The following FN1 variants were observed in gnomAD, a reference collection of about 807,000 sequenced individuals.
FN1 encodes the protein fibronectin.
Under a neutral mutation model 297.3 loss-of-function variants are expected in FN1, and 106 were observed. The observed-to-expected ratio is 0.36, with a 90% CI of 0.30 to 0.42. FN1 has a LOEUF of 0.42. FN1 is among the 10% of genes least tolerant of loss of function. The pLI, the probability that FN1 is intolerant of heterozygous loss-of-function variation, is 1.00. For missense variants in FN1, 2,690 were observed against 3,124.9 expected (o/e 0.86, Z 3.32); for synonymous variants, 1,149 against 1,152.6 (o/e 1.00, Z 0.06).
chr2:215,403,598 T>C (rs2061406701), intron 20 of FN1, among the ~76,000 whole-genome samples: 1 of 152,200 alleles, frequency 6.6e-6, no homozygotes, highest in Non-Finnish European at 1.5e-5. Context: ...CATAATTCTC[T>C]GTAATGTAAA....
Position 215,433,387 on chromosome 2 carries a change from A to T in FN1, c.352T>A (p.Ser118Thr), listed in dbSNP as rs757231578. Residue 118 changes from serine (S) to threonine (T), a missense_variant, in exon 3 of 46, where the codon TCC becomes ACC. Transcript: ENST00000354785. ...VGDTYERPKD[S>T]MIWDCTCIGA... Reference sequence around the variant, plus strand: ...ATGCAGGTACAGTCCCAGATCATGGAGTCTTTAGGACGCTCATAAGTGTCA... The same window carrying T: ...ATGCAGGTACAGTCCCAGATCATGGTGTCTTTAGGACGCTCATAAGTGTCA... The T allele has an allele frequency of 1.9e-6, 3 of 1,614,042 alleles. No individual in the cohort carries two copies. Among genetic ancestry groups the T allele is most frequent in the African/African-American group, 1.3e-5 (1 of 74,922 alleles).
chr2:215,382,108 G>T, intron 32 of FN1, 104 bp downstream of exon 32: 1 of 743,122 alleles, frequency 1.3e-6, no homozygotes, highest in East Asian at 2.6e-5. Context: ...TAACCAACAA[G>T]TTCACTTTCC....
chr2:215,389,103 T>C (rs1006863783), intron 26 of FN1, among the ~76,000 whole-genome samples: 3 of 152,026 alleles, frequency 2.0e-5, no homozygotes, highest in Non-Finnish European at 4.4e-5. Flanking sequence ...TTTTTTTTTA[T>C]TTTTATTATT....
Position 215,361,625 on chromosome 2 carries a change from TTC to T in FN1, c.7363-1_7363del. 1.2e-6 allele frequency: 2 copies of T among 1,608,390 alleles called. No homozygotes were observed. The highest frequency in any genetic ancestry group is 1.7e-6 in the Non-Finnish European group (2 of 1,174,932). ...GAAGCACTCAATTGGGCAATTAACA[TTC>T]TGTTAAAAAGGAAGAAGGAAAAAAA... On this transcript the variant is annotated splice_acceptor_variant and coding_sequence_variant, in exon 46 of 46. Transcript: ENST00000354785. LOFTEE classifies it high-confidence loss of function.
intron 10 of FN1, among the ~76,000 whole-genome samples, chr2:215,421,718 G>T (rs184754020): frequency 3.9e-5 from 6 of 152,328 alleles, no homozygotes; most frequent in African/African-American, 1.4e-4. Flanking sequence ...GTAAGGATCT[G>T]ATTTTAGAAT....
In FN1 at chr2:215,364,957, C is replaced by A; in HGVS notation, c.7173G>T (p.Lys2391Asn). The A allele has an allele frequency of 6.3e-7, 1 of 1,580,776 alleles. No individual in the cohort carries two copies. The highest frequency in any genetic ancestry group is 1.8e-5 in the Admixed American group (1 of 55,380). ...GCCACTGTTCTCCTACGTGGTATGT[C>A]TTCCCATCATCATAACACGTTGCCT... ...PHEATCYDDG[K>N]TYHVGEQWQK... The change falls in exon 44 of 46, where the codon AAG becomes AAT. Residue 2391 changes from lysine to asparagine, a missense_variant. By Grantham distance (94) the Lys-to-Asn change is moderately conservative. Around this residue, in one of 3 missense-constraint regions of FN1, gnomAD observed 1,743 missense variants for 1,945.2 expected, o/e 0.90. Coordinates refer to ENST00000354785, the MANE Select transcript of FN1 (RefSeq NM_212482.4).
intron 6 of FN1, among the ~76,000 whole-genome samples, chr2:215,425,527 A>G (rs2106453537): frequency 6.6e-6 from 1 of 152,042 alleles, no homozygotes; most frequent in Middle Eastern, 3.4e-3. Context: ...CTGGGATTAT[A>G]TTTCTTTTTG....
At position 215,401,231 on chromosome 2, in the gene FN1, A is replaced by AAGG. The variant is rs1559474823; in HGVS notation, c.3254-1881_3254-1880insCCT. Among the ~76,000 whole-genome samples the AAGG allele has an allele frequency of 4.3e-4, 25 of 57,890 alleles. 1 individual carries two copies. The highest frequency in any genetic ancestry group is 1.7e-3 in the African/African-American group (25 of 14,548). 38.0% of individuals were successfully genotyped at this position (57,890 alleles called of 152,430 possible). A position where few individuals can be genotyped will look rare whatever the true frequency, so the allele number is the denominator to read the frequency against. Reference sequence around the variant, plus strand: ...GAAAGAAAGAAAGAAAGAAAGAAAGAAAGAAAGAAAGAAAGAAAGGAAGAA... The same window carrying AAGG: ...GAAAGAAAGAAAGAAAGAAAGAAAGAAGGAAGAAAGAAAGAAAGAAAGGAAGAA... On this transcript the variant is annotated intron_variant, in intron 20 of 45. Coordinates refer to ENST00000354785, the MANE Select transcript of FN1 (RefSeq NM_212482.4).
intron 1 of FN1, among the ~76,000 whole-genome samples, chr2:215,435,321 C>A (rs1355585802): frequency 6.6e-6 from 1 of 152,202 alleles, no homozygotes; most frequent in Non-Finnish European, 1.5e-5. Context: ...AAGGACCACA[C>A]TAATCCCAGA....
chr2:215,420,340 AAAAAAC>A lies in FN1; in HGVS notation c.1675+327_1675+332del, dbSNP rs201177329. 0.33 allele frequency among the ~76,000 whole-genome samples: 49,163 copies of A among 148,012 alleles called. 9,319 individuals carry two copies. Among genetic ancestry groups the A allele is most frequent in the South Asian group, 0.51 (2,357 of 4,654 alleles). On this transcript the variant is annotated intron_variant, in intron 11 of 45. Coordinates refer to ENST00000354785, the MANE Select transcript of FN1 (RefSeq NM_212482.4). ...GCAACAAGAGCGAAACTCTCTCTCAAAAAAACAAAAACAAAAACAAAAACAAACAAA... is the reference window on the plus strand; with the variant it reads ...GCAACAAGAGCGAAACTCTCTCTCAAAAAAACAAAAACAAAAACAAACAAA...
intron 36 of FN1, 155 bp from the exon 37 acceptor site, chr2:215,375,873 T>A: frequency 1.5e-6 from 1 of 682,170 alleles, no homozygotes; most frequent in South Asian, 1.6e-5. Context: ...GAGCATGCTA[T>A]GGATGTTAAC....
rs745662624 is a variant in FN1, at chr2:215,408,408, G to A, written c.2318C>T (p.Thr773Ile). ...AAGCAGGTCAGGGATGTTCACAGAA[G>A]TGGCTGTGCTTGGAAGATCTTTGAA... ...PQYLDLPSTATSVNIPDLLPG... is the reference protein window; with the variant it reads ...PQYLDLPSTAISVNIPDLLPG... The change falls in exon 16 of 46, where the codon ACT becomes ATT. Residue 773 changes from threonine (T) to isoleucine (I), a missense_variant. Coordinates refer to ENST00000354785, the MANE Select transcript of FN1 (RefSeq NM_212482.4). 1.9e-6 allele frequency: 3 copies of A among 1,614,056 alleles called. No homozygotes were observed. The highest frequency in any genetic ancestry group is 2.5e-6 in the Non-Finnish European group (3 of 1,180,030).
intron 14 of FN1, 78 bp from the exon 15 acceptor site, chr2:215,409,817 A>G: frequency 1.9e-6 from 3 of 1,595,572 alleles, no homozygotes; most frequent in Non-Finnish European, 2.6e-6. Flanking sequence ...ACATCATTTT[A>G]AAAAACGTTG....
chr2:215,427,006 G>C (rs1017393657), intron 6 of FN1, among the ~76,000 whole-genome samples: 1 of 151,638 alleles, frequency 6.6e-6, no homozygotes, highest in Non-Finnish European at 1.5e-5. Context: ...CTCCCGAGTA[G>C]CTGGGACTAC....
At position 215,408,266 on chromosome 2, in the gene FN1, G is replaced by T. The variant is rs775224762; in HGVS notation, c.2428+32C>A. ...TACAGGCCTGTGTTTTACAGAAAAA[G>T]ATTCTTTTAACACTATGTAGCACAC... is the stretch of plus-strand genomic sequence containing the variant. On this transcript the variant is annotated intron_variant, in intron 16 of 45. Transcript: ENST00000354785. 2.5e-5 allele frequency: 41 copies of T among 1,613,862 alleles called. 1 individual carries two copies. In the Middle Eastern group the frequency reaches 4.9e-4, roughly 19 times the overall value.
chr2:215,429,814 G>C (rs2066169919), intron 5 of FN1, among the ~76,000 whole-genome samples: 1 of 152,148 alleles, frequency 6.6e-6, no homozygotes, highest in Admixed American at 6.5e-5. Context: ...TGGAATAAAT[G>C]ACTTCTCTTT....
chr2:215,386,557 G>A (rs2059020402), intron 28 of FN1, 132 bp downstream of exon 28: 1 of 756,798 alleles, frequency 1.3e-6, no homozygotes, highest in Admixed American at 2.9e-5. Context: ...CATGTACCAT[G>A]ACAATGATCT....
intron 29 of FN1, 157 bp downstream of exon 29, chr2:215,384,703 A>G (rs886134681): frequency 9.5e-5 from 58 of 613,466 alleles, no homozygotes; most frequent in Non-Finnish European, 1.5e-4. Context: ...AACAAATTAT[A>G]TCATCTATAT....
At chr2:215,433,003 A>C (rs1039175630) in intron 3 of FN1, among the ~76,000 whole-genome samples, 1 of 152,132 alleles carries the variant, frequency 6.6e-6, no homozygotes, top group Non-Finnish European at 1.5e-5. Flanking sequence ...GGTGATTTAA[A>C]ATGGGCAACT....
Sources: gnomAD v4.1 joint callset for allele counts (sites outside exome capture counted in the v4.1 genomes callset) on GRCh38, gnomAD v4.1.1 for gene constraint, gnomAD v4.1.1 regional missense constraint, MANE v1.5 for transcripts, NCBI Gene and HGNC (gene_info 2026-07-23, HGNC 2026-07-21) for gene names.